Variants in CSMD2 observed in about 807,000 individuals in gnomAD.
CSMD2 encodes CUB and sushi domain-containing protein 2.
A neutral mutation model predicts 398.5 loss-of-function variants in CSMD2; 130 were observed. The ratio of observed to expected loss-of-function variants is 0.33; its 90% CI spans 0.28 to 0.38. The LOEUF (loss-of-function observed/expected upper bound fraction) is 0.38, where lower values mean the gene tolerates loss of function less well. Among genes scored for constraint, CSMD2 ranks in the 10% least tolerant of loss-of-function variants. The pLI is 1.00. For synonymous variants in CSMD2, 1,828 were observed against 1,908.5 expected, an observed-to-expected ratio of 0.96 and a Z score of 1.10; for missense variants, 3,829 against 4,764.9, an observed-to-expected ratio of 0.80 and a Z score of 5.78.
intron 2 of CSMD2, among the ~76,000 whole-genome samples, chr1:34,065,964 G>A (rs1442092671): frequency 1.3e-5 from 2 of 152,202 alleles, no homozygotes; most frequent in East Asian, 3.9e-4. Flanking sequence ...ACTTGAGACA[G>A]TATTACAGAA....
At position 33,725,354 on chromosome 1, in the gene CSMD2, T is replaced by C; in HGVS notation, c.2690A>G (p.Tyr897Cys). 1 of 1,613,682 alleles carries C rather than the reference T, an allele frequency of 6.2e-7. No individual in the cohort carries two copies. The highest frequency in any genetic ancestry group is 8.5e-7 in the Non-Finnish European group (1 of 1,179,706). ...CTGAGCCCACTGAGACTCACTCTCA[T>C]AGCGGAGCTGGAAGCCGATGTCCGA... ...SHSDIGFQLR[Y>C]ETITLQSDHC... The change falls in exon 17 of 71, where the codon TAT (tyrosine) becomes TGT (cysteine). Residue 897 changes from tyrosine to cysteine, a missense_variant. Physicochemically the swap from Tyr to Cys is radical, Grantham distance 194 (BLOSUM62 -2). This residue lies in a region of CSMD2 where 2,001 missense variants were observed against 2,567.1 expected (regional missense o/e 0.78). Coordinates refer to ENST00000373381, the MANE Select transcript of CSMD2 (RefSeq NM_001281956.2).
chr1:33,555,216 C>A (rs1213669434), intron 55 of CSMD2, among the ~76,000 whole-genome samples: 1 of 152,134 alleles, frequency 6.6e-6, no homozygotes, highest in Non-Finnish European at 1.5e-5. Context: ...TGGAGGAGGT[C>A]ACTGCAGATG....
intron 25 of CSMD2, among the ~76,000 whole-genome samples, chr1:33,688,268 A>G (rs1024235169): frequency 2.0e-5 from 3 of 152,236 alleles, no homozygotes; most frequent in Admixed American, 1.3e-4. Flanking sequence ...CATTGACATG[A>G]TGAGATGGTG....
At chr1:34,154,727 C>CTTTT (rs10709808) in intron 1 of CSMD2, among the ~76,000 whole-genome samples, 1 of 113,192 alleles carries the variant, frequency 8.8e-6, no homozygotes, top group Non-Finnish European at 1.8e-5. Flanking sequence ...AGGATCCAGG[C>CTTTT]TTTTTTTTTT....
At chr1:34,148,439 C>T (rs1639983340) in intron 1 of CSMD2, among the ~76,000 whole-genome samples, 1 of 152,160 alleles carries the variant, frequency 6.6e-6, no homozygotes, top group Non-Finnish European at 1.5e-5. Context: ...TTGCTGCTCC[C>T]GAAAGCAGTC....
intron 5 of CSMD2, among the ~76,000 whole-genome samples, chr1:33,867,322 G>C (rs544168908): frequency 6.6e-6 from 1 of 152,256 alleles, no homozygotes; most frequent in East Asian, 1.9e-4. Context: ...CAACCACAAG[G>C]AACTTAATAT....
At chr1:33,994,436 C>T (rs775626404) in intron 3 of CSMD2, among the ~76,000 whole-genome samples, 54 of 152,114 alleles carry the variant, frequency 3.5e-4, no homozygotes, top group Non-Finnish European at 6.8e-4. Flanking sequence ...ACGCTCACAG[C>T]ACCATGGATG....
intron 5 of CSMD2, among the ~76,000 whole-genome samples, chr1:33,893,265 G>GT (rs1432080677): frequency 6.6e-6 from 1 of 152,182 alleles, no homozygotes; most frequent in Non-Finnish European, 1.5e-5. Context: ...TACTTACCTC[G>GT]TAAGCACAAT....
In CSMD2 at chr1:33,537,793, T is replaced by G. The variant is rs1165877004; in HGVS notation, c.9632-184A>C. Reference sequence around the variant, plus strand: ...GGTGCTGCTGCTGATGGGGGCTTCCTCTCCCTTCTACATTCAAAGTGCCTA... The same window carrying G: ...GGTGCTGCTGCTGATGGGGGCTTCCGCTCCCTTCTACATTCAAAGTGCCTA... On this transcript the variant is annotated intron_variant, in intron 60 of 70. Coordinates refer to ENST00000373381, the MANE Select transcript of CSMD2 (RefSeq NM_001281956.2). This position sits in a 1 kb window ranked among gnomAD's most constrained non-coding sequence, Gnocchi z 4.6. Among the ~76,000 whole-genome samples, 1 of 152,226 alleles carries G rather than the reference T, an allele frequency of 6.6e-6. No individual in the cohort carries two copies. Among genetic ancestry groups the G allele is most frequent in the Non-Finnish European group, 1.5e-5 (1 of 68,044 alleles).
intron 1 of CSMD2, among the ~76,000 whole-genome samples, chr1:34,144,088 C>T (rs1017562697): frequency 6.6e-6 from 1 of 152,082 alleles, no homozygotes; most frequent in Non-Finnish European, 1.5e-5. Flanking sequence ...GTCAACATCT[C>T]CTCTCAGTCT....
At chr1:33,605,984 C>A (rs751661631) in intron 41 of CSMD2, 1 of 1,611,944 alleles carries the variant, frequency 6.2e-7, no homozygotes, top group South Asian at 1.1e-5. Context: ...GGGAGTAAGT[C>A]AAATCTGTGG....
At position 33,961,595 on chromosome 1, in the gene CSMD2, T is replaced by A. The variant is rs1042151284; in HGVS notation, c.518-25641A>T. ...CCTCATCAGTGAGATGAGAGTGAGA[T>A]GGTTTGAATGCGAGCCTAGTGAGAG... On this transcript the variant is annotated intron_variant, in intron 3 of 70. Transcript: ENST00000373381. 7.9e-5 allele frequency among the ~76,000 whole-genome samples: 12 copies of A among 152,254 alleles called. No homozygotes were observed. In the South Asian group the frequency reaches 1.7e-3, roughly 21 times the overall value.
chr1:33,697,137 A>C (rs1183687244), intron 24 of CSMD2, among the ~76,000 whole-genome samples: 1 of 152,208 alleles, frequency 6.6e-6, no homozygotes, highest in Admixed American at 6.5e-5. Flanking sequence ...TATTCAAAGT[A>C]ATCTTACAGT....
At position 33,518,927 on chromosome 1, in the gene CSMD2, T is replaced by C. The variant is rs1187720947; in HGVS notation, c.*53+538A>G. ...TATGGATATATCTTGATATGGGGTA[T>C]ATGTATTGCGTTTATAGTGTATGAA... On this transcript the variant is annotated intron_variant, in intron 70 of 70. Coordinates refer to ENST00000373381, the MANE Select transcript of CSMD2 (RefSeq NM_001281956.2). This position sits in a 1 kb window ranked among gnomAD's most constrained non-coding sequence, Gnocchi z 4.3. Among the ~76,000 whole-genome samples the C allele has an allele frequency of 1.3e-5, 2 of 152,204 alleles. No individual in the cohort carries two copies. The highest frequency in any genetic ancestry group is 4.8e-5 in the African/African-American group (2 of 41,450).
chr1:33,863,351 A>G (rs1006734928), intron 5 of CSMD2: 8 of 152,204 alleles, frequency 5.3e-5, no homozygotes, highest in African/African-American at 1.4e-4. Context: ...TCTAAACCTA[A>G]GAAATGGGGA....
chr1:33,658,320 C>T (rs1457793925), intron 26 of CSMD2, among the ~76,000 whole-genome samples, 183 bp from the exon 27 acceptor site: 1 of 150,578 alleles, frequency 6.6e-6, no homozygotes, highest in African/African-American at 2.5e-5. Context: ...ACTATCACTG[C>T]CTCCACCACC....
At chr1:34,035,403 T>C (rs558208032) in intron 2 of CSMD2, among the ~76,000 whole-genome samples, 61 of 151,922 alleles carry the variant, frequency 4.0e-4, no homozygotes, top group African/African-American at 1.4e-3. Context: ...ACAATACAAA[T>C]AAAGAAAAAT....
chr1:34,129,525 G>A (rs1182650747), intron 1 of CSMD2, among the ~76,000 whole-genome samples: 3 of 152,094 alleles, frequency 2.0e-5, no homozygotes, highest in African/African-American at 4.8e-5. Flanking sequence ...GGTGGCGGGC[G>A]CCTGTAGTCC....
intron 1 of CSMD2, among the ~76,000 whole-genome samples, chr1:34,110,261 T>G (rs1397313333): frequency 6.6e-6 from 1 of 152,060 alleles, no homozygotes; most frequent in Non-Finnish European, 1.5e-5. Context: ...GTAAATTAGT[T>G]CAACCATTGT....
Sources: gnomAD v4.1 joint callset for allele counts (sites outside exome capture counted in the v4.1 genomes callset) on GRCh38, gnomAD v4.1.1 for gene constraint, gnomAD v4.1.1 regional missense constraint, Gnocchi (gnomAD v3.1) non-coding constraint, MANE v1.5 for transcripts, NCBI Gene and HGNC (gene_info 2026-07-23, HGNC 2026-07-21) for gene names.